Variants in PUM2 observed in about 807,000 individuals in gnomAD.
The protein encoded by PUM2 is pumilio RNA binding family member 2.
A neutral mutation model predicts 124.5 loss-of-function variants in PUM2; 57 were observed. The observed-to-expected ratio is 0.46, with a 90% CI of 0.37 to 0.57. The LOEUF is 0.57. Ranked by LOEUF, PUM2 falls within the 20% of genes least tolerant of loss-of-function variation. The pLI is 0.00. For synonymous variants in PUM2, 460 were observed against 446.1 expected (o/e 1.03, Z -0.39); for missense variants, 1,065 against 1,290.6 (o/e 0.83, Z 2.68).
intron 1 of PUM2, among the ~76,000 whole-genome samples, chr2:20,333,439 T>A (rs997785712): frequency 2.0e-5 from 3 of 151,818 alleles, no homozygotes; most frequent in Non-Finnish European, 4.4e-5. Context: ...GAGGCTGAGA[T>A]GAGAGGATCG....
chr2:20,312,670 T>TCCCC (rs1201300070), intron 3 of PUM2, among the ~76,000 whole-genome samples: 1 of 152,088 alleles, frequency 6.6e-6, no homozygotes, highest in Admixed American at 6.6e-5. Flanking sequence ...TTCAATGCTA[T>TCCCC]CCCCATCAAG....
At chr2:20,316,275 C>A (rs1391142031) in intron 3 of PUM2, among the ~76,000 whole-genome samples, 6 of 152,034 alleles carry the variant, frequency 3.9e-5, no homozygotes, top group Non-Finnish European at 8.8e-5. Flanking sequence ...GACTTCCTAA[C>A]CTTTTAGATT....
chr2:20,281,109 TA>T (rs1199659989), intron 12 of PUM2, among the ~76,000 whole-genome samples: 4 of 152,148 alleles, frequency 2.6e-5, no homozygotes, highest in Non-Finnish European at 5.9e-5. Context: ...AGTCCATATA[TA>T]TAGCACTTGA....
intron 10 of PUM2, among the ~76,000 whole-genome samples, chr2:20,286,507 T>C (rs1349643441): frequency 6.6e-6 from 1 of 152,230 alleles, no homozygotes; most frequent in Non-Finnish European, 1.5e-5. Flanking sequence ...ATGATTACTT[T>C]TCCTGTTATT....
chr2:20,304,330 TTTTCATTCTATCCTATCTATTA>T (rs1389008090), intron 7 of PUM2, among the ~76,000 whole-genome samples: 1 of 152,222 alleles, frequency 6.6e-6, no homozygotes, highest in East Asian at 1.9e-4. Context: ...TGTCTTTTTG[TTTTCATTCTATCCTATCTATTA>T]TTTCTGTCTG....
At chr2:20,269,437 G>A (rs1193400265) in intron 13 of PUM2, among the ~76,000 whole-genome samples, 2 of 151,986 alleles carry the variant, frequency 1.3e-5, no homozygotes, top group Non-Finnish European at 2.9e-5. Flanking sequence ...TCCTGACCTC[G>A]TGATCCACCT....
intron 7 of PUM2, among the ~76,000 whole-genome samples, chr2:20,304,098 G>C (rs1003120194): frequency 1.3e-5 from 2 of 152,130 alleles, no homozygotes; most frequent in African/African-American, 4.8e-5. Context: ...ACATACTATA[G>C]GGTCAAATCT....
chr2:20,335,058 G>C (rs1685710512), intron 1 of PUM2, among the ~76,000 whole-genome samples: 2 of 152,006 alleles, frequency 1.3e-5, no homozygotes, highest in South Asian at 4.1e-4. Context: ...GGAGTATCTG[G>C]GACTAAAGGT....
intron 5 of PUM2, among the ~76,000 whole-genome samples, chr2:20,309,403 A>G (rs1401839688): frequency 2.1e-5 from 3 of 145,292 alleles, no homozygotes; most frequent in Non-Finnish European, 1.5e-5. Flanking sequence ...TTAAGTATAC[A>G]CAGCAAGAAA....
chr2:20,326,204 T>C lies in PUM2; in HGVS notation c.51+1106A>G, dbSNP rs1292327631. 49 of 1,233,940 alleles carry C rather than the reference T, an allele frequency of 4.0e-5. No individual in the cohort carries two copies. In the Admixed American group the frequency reaches 1.3e-3, roughly 33 times the overall value. The allele number at this position is 1,233,940 out of a possible 1,614,324, so 76.4% of individuals were successfully genotyped here. A position where few individuals can be genotyped will look rare whatever the true frequency, so the allele number is the denominator to read the frequency against. On this transcript the variant is annotated intron_variant, in intron 2 of 20. Coordinates refer to ENST00000361078, the MANE Select transcript of PUM2 (RefSeq NM_015317.5). ...TCTTAGGGTTGAGAATTTTACCTTA[T>C]GCACTGGTCTAACAAATTTATTTTG...
At chr2:20,307,423 T>G (rs1678603875) in intron 7 of PUM2, among the ~76,000 whole-genome samples, 2 of 152,144 alleles carry the variant, frequency 1.3e-5, no homozygotes, top group Non-Finnish European at 2.9e-5. Flanking sequence ...AAACTATACA[T>G]ACATACTGCA....
chr2:20,298,090 T>C (rs1028772499), intron 7 of PUM2, among the ~76,000 whole-genome samples: 2 of 152,184 alleles, frequency 1.3e-5, no homozygotes, highest in Non-Finnish European at 2.9e-5. Context: ...CATTATGAGC[T>C]AGGGATTCAG....
chr2:20,339,646 G>A lies in PUM2; in HGVS notation c.-19+10951C>T, dbSNP rs1215316454. On this transcript the variant is annotated intron_variant, in intron 1 of 20. Coordinates refer to ENST00000361078, the MANE Select transcript of PUM2 (RefSeq NM_015317.5). The stretch of plus-strand genomic sequence containing the variant: ...TGTAAGCCCAGCACTTTGGGAGGCC[G>A]AGGCGGGTGGACCACCTGAGGTCAG... Among the ~76,000 whole-genome samples the A allele has an allele frequency of 1.2e-4, 18 of 152,274 alleles. No homozygotes were observed. The East Asian group carries it at 2.9e-3, about 24-fold the overall frequency.
intron 10 of PUM2, among the ~76,000 whole-genome samples, chr2:20,289,627 G>A (rs988087198): frequency 6.6e-6 from 1 of 152,122 alleles, no homozygotes; most frequent in Non-Finnish European, 1.5e-5. Context: ...TCTTTATCCC[G>A]TGAACCAGAC....
At chr2:20,294,551 T>G in intron 8 of PUM2, 33 bp from the exon 9 acceptor site, 1 of 1,559,364 alleles carries the variant, frequency 6.4e-7, no homozygotes, top group Non-Finnish European at 8.7e-7. Flanking sequence ...GAATAAAAAG[T>G]TACTAGATTT....
rs1677595001 is a variant in PUM2, at chr2:20,303,901, G to C, written c.883+4077C>G. On this transcript the variant is annotated intron_variant, in intron 7 of 20. Coordinates refer to ENST00000361078, the MANE Select transcript of PUM2 (RefSeq NM_015317.5). The stretch of plus-strand genomic sequence containing the variant: ...ATGGCTCACACCCTTTATCTCTTAA[G>C]GTTCTGAAAATACTCTTACATTCTT... Among the ~76,000 whole-genome samples the C allele has an allele frequency of 5.3e-5, 8 of 152,096 alleles. 1 individual carries two copies. The South Asian group carries it at 1.7e-3, about 32-fold the overall frequency.
chr2:20,275,624 T>C (rs1447369496), intron 13 of PUM2, among the ~76,000 whole-genome samples: 1 of 152,064 alleles, frequency 6.6e-6, no homozygotes, highest in East Asian at 1.9e-4. Context: ...TGTCTCCCGA[T>C]ACAGTGCAAC....
rs572950813 is a variant in PUM2, at chr2:20,337,541, G to C, written c.-18-10163C>G. 1.7e-3 allele frequency among the ~76,000 whole-genome samples: 257 copies of C among 152,228 alleles called. 2 individuals carry two copies. The highest frequency in any genetic ancestry group is 5.9e-3 in the African/African-American group (245 of 41,558). Reference sequence around the variant, plus strand: ...AATAAATGAAAAGGCTAGGTGGTTAGAAAAAAATAAAGTTTAATAAAATAC... The same window carrying C: ...AATAAATGAAAAGGCTAGGTGGTTACAAAAAAATAAAGTTTAATAAAATAC... On this transcript the variant is annotated intron_variant, in intron 1 of 20. Transcript: ENST00000361078.
At chr2:20,291,860 C>T (rs929640642) in intron 9 of PUM2, among the ~76,000 whole-genome samples, 3 of 152,066 alleles carry the variant, frequency 2.0e-5, no homozygotes, top group East Asian at 1.9e-4. Flanking sequence ...CCGTTTGCAA[C>T]GCCAACCCAA....
Sources: gnomAD v4.1 joint callset for allele counts (sites outside exome capture counted in the v4.1 genomes callset) on GRCh38, gnomAD v4.1.1 for gene constraint, MANE v1.5 for transcripts, NCBI Gene and HGNC (gene_info 2026-07-23, HGNC 2026-07-21) for gene names.